Variants in GPHN observed in about 807,000 individuals in gnomAD.
The protein encoded by GPHN is gephyrin.
In GPHN, 17 loss-of-function variants were observed where a neutral mutation model predicts 95.5. That is an observed-to-expected ratio of 0.18 (90% confidence interval 0.12 to 0.27). GPHN has a LOEUF of 0.27. GPHN is among the 10% of genes least tolerant of loss of function. The probability of loss-of-function intolerance (pLI) is 1.00; values close to 1 mark genes in which losing one functional copy is unlikely to be tolerated. For missense variants in GPHN, 660 were observed against 978.1 expected, an observed-to-expected ratio of 0.67 and a Z score of 4.34; for synonymous variants, 320 against 322.5, an observed-to-expected ratio of 0.99 and a Z score of 0.08.
At chr14:67,172,293 G>A (rs548745304) in intron 21 of GPHN, among the ~76,000 whole-genome samples, 2 of 152,136 alleles carry the variant, frequency 1.3e-5, no homozygotes, top group African/African-American at 4.8e-5. Flanking sequence ...AGCCATATAC[G>A]GCCTCCTAGG....
At chr14:67,004,350 C>G (rs1011967810) in intron 9 of GPHN, among the ~76,000 whole-genome samples, 4 of 151,656 alleles carry the variant, frequency 2.6e-5, no homozygotes, top group Non-Finnish European at 5.9e-5. Flanking sequence ...ACCAGTAGGT[C>G]ATAATAAGTC....
the GPHN span, among the ~76,000 whole-genome samples, chr14:67,315,421 T>C: frequency 6.6e-6 from 1 of 151,686 alleles, no homozygotes; most frequent in Non-Finnish European, 1.5e-5. Context: ...GGACTACAGG[T>C]GCCCACCACC....
chr14:66,761,302 G>A (rs1334752976), intron 2 of GPHN, among the ~76,000 whole-genome samples: 1 of 152,082 alleles, frequency 6.6e-6, no homozygotes, highest in African/African-American at 2.4e-5. Context: ...TTGGATAATG[G>A]CACTAGGCAG....
intron 4 of GPHN, among the ~76,000 whole-genome samples, chr14:66,871,143 G>A (rs1355116050): frequency 2.0e-5 from 3 of 152,166 alleles, no homozygotes; most frequent in Non-Finnish European, 2.9e-5. Context: ...TCTGAGGTTT[G>A]TTCTACTCAC....
At chr14:67,315,268 ATTTTTTTT>A in the GPHN span, among the ~76,000 whole-genome samples, 14 of 101,588 alleles carry the variant, frequency 1.4e-4, no homozygotes, top group Non-Finnish European at 1.7e-4. Flanking sequence ...CTTATTTTTA[ATTTTTTTT>A]TTTTTTTTTT....
At chr14:66,746,786 G>C (rs1254391897) in intron 2 of GPHN, among the ~76,000 whole-genome samples, 1 of 151,998 alleles carries the variant, frequency 6.6e-6, no homozygotes, top group African/African-American at 2.4e-5. Flanking sequence ...GGGAAGACAG[G>C]GACATAGGGA....
the GPHN span, among the ~76,000 whole-genome samples, chr14:67,512,693 T>C: frequency 6.6e-6 from 1 of 152,150 alleles, no homozygotes; most frequent in Non-Finnish European, 1.5e-5. Context: ...TCTTTCCTTA[T>C]GACATCAGAG....
At chr14:67,300,336 C>CTTTTTTTTTTTTTTTTTTTTTTTT in the GPHN span, among the ~76,000 whole-genome samples, 2 of 139,080 alleles carry the variant, frequency 1.4e-5, no homozygotes, top group Non-Finnish European at 3.1e-5. Flanking sequence ...TATGAATTAC[C>CTTTTTTTTTTTTTTTTTTTTTTTT]TTTTTTTTTT....
intron 2 of GPHN, among the ~76,000 whole-genome samples, chr14:66,725,562 A>C (rs1595701431): frequency 6.6e-6 from 1 of 152,012 alleles, no homozygotes; most frequent in African/African-American, 2.4e-5. Context: ...CGGCTCACTG[A>C]AACCTCCGCC....
chr14:67,528,395 C>T, the GPHN span, among the ~76,000 whole-genome samples: 1 of 152,180 alleles, frequency 6.6e-6, no homozygotes, highest in Admixed American at 6.5e-5. Context: ...TAGTCTCTCC[C>T]CACACAGGCT....
chr14:67,118,996 G>C (rs571034144), intron 16 of GPHN, among the ~76,000 whole-genome samples: 1 of 152,278 alleles, frequency 6.6e-6, no homozygotes, highest in East Asian at 1.9e-4. Context: ...TTGAGGACTA[G>C]GGTTGGCCAT....
At chr14:67,270,650 C>G in the GPHN span, 7 of 149,776 alleles carry the variant, frequency 4.7e-5, no homozygotes, top group African/African-American at 1.7e-4. Context: ...GACTTTTTCA[C>G]TTTTATGATG....
At chr14:67,161,735 A>C (rs913707270) in intron 19 of GPHN, among the ~76,000 whole-genome samples, 8 of 152,306 alleles carry the variant, frequency 5.3e-5, no homozygotes, top group South Asian at 2.1e-4. Flanking sequence ...CCTGGGCAGC[A>C]GAGTAAGACC....
intron 2 of GPHN, among the ~76,000 whole-genome samples, chr14:66,705,757 A>G (rs1339000199): frequency 6.6e-6 from 1 of 152,224 alleles, no homozygotes; most frequent in Non-Finnish European, 1.5e-5. Flanking sequence ...AACTGGTACA[A>G]GACAAGGATG....
At chr14:67,105,884 T>G (rs942371492) in intron 13 of GPHN, among the ~76,000 whole-genome samples, 4 of 152,166 alleles carry the variant, frequency 2.6e-5, no homozygotes, top group Non-Finnish European at 4.4e-5. Context: ...CTGGTTTTGC[T>G]TACCCCTTGC....
At chr14:67,653,505 AGAG>A in the GPHN span, 1 of 1,612,578 alleles carries the variant, frequency 6.2e-7, no homozygotes, top group Non-Finnish European at 8.5e-7. Context: ...CCAGCTGAGA[AGAG>A]AAAATAGTGA....
At chr14:66,760,218 A>G (rs1232705660) in intron 2 of GPHN, among the ~76,000 whole-genome samples, 2 of 152,204 alleles carry the variant, frequency 1.3e-5, no homozygotes. Flanking sequence ...CCTAGCACAT[A>G]ATAAGTTCTC....
In GPHN at chr14:66,509,001, A is replaced by G. The variant is rs1438782046; in HGVS notation, c.64+410A>G. On this transcript the variant is annotated intron_variant, in intron 1 of 22. Coordinates refer to ENST00000478722, the MANE Select transcript of GPHN (RefSeq NM_020806.5). ...TAGTGCTCTTCAGAGAGAGGGGGGA[A>G]TCCCATCTCCACCCCCTTCCTCTCC... 4 of 252,192 alleles carry G rather than the reference A, an allele frequency of 1.6e-5. No homozygotes were observed. In the East Asian group the frequency reaches 4.4e-4, roughly 28 times the overall value. The allele number at this position is 252,192 out of a possible 1,614,324, so 15.6% of individuals were successfully genotyped here.
the GPHN span, chr14:67,642,088 G>T: frequency 8.7e-7 from 1 of 1,150,842 alleles, no homozygotes; most frequent in South Asian, 1.4e-5. Flanking sequence ...AAATGATTAT[G>T]ATGTGTACTT....
Sources: gnomAD v4.1 joint callset for allele counts (sites outside exome capture counted in the v4.1 genomes callset) on GRCh38, gnomAD v4.1.1 for gene constraint, MANE v1.5 for transcripts, NCBI Gene and HGNC (gene_info 2026-07-23, HGNC 2026-07-21) for gene names.